RARB: variants seen among roughly 807,000 people sequenced by gnomAD.
The protein encoded by RARB is HBV-activated protein.
Under a neutral mutation model 51.9 loss-of-function variants are expected in RARB, and 17 were observed. That is an observed-to-expected ratio of 0.33 (90% CI 0.22 to 0.49). The LOEUF (loss-of-function observed/expected upper bound fraction) is 0.49, where lower values mean the gene tolerates loss of function less well. Ranked by LOEUF, RARB falls within the 20% of genes least tolerant of loss-of-function variation. The pLI is 0.99. For missense variants in RARB, 369 were observed against 550.8 expected (o/e 0.67, Z 3.30); for synonymous variants, 215 against 195.4 (o/e 1.10, Z -0.84).
chr3:25,192,170 C>T (rs180878557), intron 5 of RARB, among the ~76,000 whole-genome samples: 102 of 152,064 alleles, frequency 6.7e-4, no homozygotes, highest in African/African-American at 2.3e-3. Flanking sequence ...GAATGAGAAA[C>T]CTTGTTGGTA....
At chr3:25,534,271 A>T (rs1198244987) in intron 3 of RARB, among the ~76,000 whole-genome samples, 1 of 152,192 alleles carries the variant, frequency 6.6e-6, no homozygotes, top group Non-Finnish European at 1.5e-5. Flanking sequence ...CATAGTACCT[A>T]CCTTAACAGT....
At chr3:25,285,851 T>C (rs1393808254) in intron 5 of RARB, among the ~76,000 whole-genome samples, 4 of 152,192 alleles carry the variant, frequency 2.6e-5, no homozygotes, top group Non-Finnish European at 4.4e-5. Context: ...CTACTTGGCT[T>C]TCTCTTTCTC....
chr3:25,128,538 C>T (rs992958511), intron 3 of RARB, among the ~76,000 whole-genome samples: 2 of 150,156 alleles, frequency 1.3e-5, no homozygotes, highest in Admixed American at 6.7e-5. Context: ...CTTTTGGGGA[C>T]ATGGAATCCT....
intron 5 of RARB, among the ~76,000 whole-genome samples, chr3:25,203,731 C>A (rs998201347): frequency 6.6e-6 from 1 of 152,164 alleles, no homozygotes; most frequent in African/African-American, 2.4e-5. Flanking sequence ...ATTGAAAATT[C>A]TTTTCTTTAA....
chr3:25,418,093 A>G (rs1036313206), intron 5 of RARB, among the ~76,000 whole-genome samples: 6 of 152,198 alleles, frequency 3.9e-5, no homozygotes, highest in Non-Finnish European at 5.9e-5. Context: ...TGCACACAAC[A>G]CTTGTGATCA....
At chr3:24,930,561 C>G (rs79419997) in intron 2 of RARB, among the ~76,000 whole-genome samples, 5,839 of 152,136 alleles carry the variant, frequency 0.038, 222 homozygotes, top group East Asian at 0.17. Flanking sequence ...ATCCCCAATG[C>G]CTGGCACATA....
intron 2 of RARB, among the ~76,000 whole-genome samples, chr3:24,942,142 T>C (rs1347791524): frequency 6.6e-6 from 1 of 152,210 alleles, no homozygotes; most frequent in African/African-American, 2.4e-5. Context: ...ACCGCTATTA[T>C]GCGGTAAAAC....
chr3:25,592,933 A>C lies in RARB; in HGVS notation c.787-570A>C, dbSNP rs372127722. 3.9e-5 allele frequency among the ~76,000 whole-genome samples: 6 copies of C among 152,276 alleles called. No individual in the cohort carries two copies. The East Asian group carries it at 7.7e-4, about 20-fold the overall frequency. ...AGAGGCATCATGGGAGAGAGAGCCT[A>C]ACTTGGGTTTGAGTCAGATTCAGTT... is the stretch of plus-strand genomic sequence containing the variant. On this transcript the variant is annotated intron_variant, in intron 5 of 7. Coordinates refer to ENST00000330688, the MANE Select transcript of RARB (RefSeq NM_000965.5).
chr3:24,952,880 T>TTG (rs1553617043), intron 2 of RARB, among the ~76,000 whole-genome samples: 98 of 150,154 alleles, frequency 6.5e-4, no homozygotes, highest in Middle Eastern at 3.4e-3. Flanking sequence ...CTGGTATTTT[T>TTG]TTTGTTTGTT....
At chr3:25,319,398 T>C (rs938344334) in intron 5 of RARB, among the ~76,000 whole-genome samples, 1 of 152,236 alleles carries the variant, frequency 6.6e-6, no homozygotes, top group African/African-American at 2.4e-5. Flanking sequence ...AATGGCCATG[T>C]TGAGACAGGG....
chr3:25,581,841 C>A (rs1245952560), intron 5 of RARB, among the ~76,000 whole-genome samples: 1 of 152,200 alleles, frequency 6.6e-6, no homozygotes, highest in Non-Finnish European at 1.5e-5. Flanking sequence ...TCACCAAGAA[C>A]CCAGCCATGC....
At chr3:24,884,046 G>A (rs995629171) in intron 2 of RARB, among the ~76,000 whole-genome samples, 3 of 152,020 alleles carry the variant, frequency 2.0e-5, no homozygotes, top group Admixed American at 1.3e-4. Context: ...TGACACCAAC[G>A]ATTTTGTTGT....
chr3:25,267,074 T>C (rs1203159234), intron 5 of RARB, among the ~76,000 whole-genome samples: 11 of 152,180 alleles, frequency 7.2e-5, no homozygotes, highest in Admixed American at 6.6e-4. Context: ...TGAAGCTCTT[T>C]AGGCATAAAT....
intron 4 of RARB, among the ~76,000 whole-genome samples, chr3:25,578,473 A>G (rs1701032895): frequency 6.6e-6 from 1 of 152,190 alleles, no homozygotes; most frequent in Non-Finnish European, 1.5e-5. Context: ...GGTCGGGGCA[A>G]TGTCTTTTTT....
chr3:25,431,479 G>A (rs917534162), intron 1 of RARB, among the ~76,000 whole-genome samples: 5 of 152,128 alleles, frequency 3.3e-5, no homozygotes, highest in Non-Finnish European at 5.9e-5. Context: ...GACTACTAAG[G>A]GAATGTGGTC....
chr3:25,051,885 G>T (rs1221243313), intron 2 of RARB, among the ~76,000 whole-genome samples: 1 of 152,106 alleles, frequency 6.6e-6, no homozygotes, highest in Non-Finnish European at 1.5e-5. Context: ...GGTGAGAAAT[G>T]GATTCTGTGT....
intron 4 of RARB, among the ~76,000 whole-genome samples, chr3:25,152,200 C>T (rs539960963): frequency 6.6e-6 from 1 of 152,320 alleles, no homozygotes; most frequent in South Asian, 2.1e-4. Flanking sequence ...TAAATACTCT[C>T]TAGACATGTG....
At chr3:25,318,705 G>A (rs1239448824) in intron 5 of RARB, among the ~76,000 whole-genome samples, 1 of 152,152 alleles carries the variant, frequency 6.6e-6, no homozygotes, top group Non-Finnish European at 1.5e-5. Flanking sequence ...CTTCTTGAAA[G>A]AATGATTTTC....
At chr3:25,083,248 C>T (rs914025937) in intron 3 of RARB, among the ~76,000 whole-genome samples, 7 of 151,870 alleles carry the variant, frequency 4.6e-5, no homozygotes, top group African/African-American at 1.7e-4. Flanking sequence ...AATATTTCTT[C>T]TTACCAAATC....
Sources: allele counts gnomAD v4.1 joint callset (sites outside exome capture counted in the v4.1 genomes callset), GRCh38; gene constraint gnomAD v4.1.1; transcripts MANE v1.5; gene names NCBI Gene and HGNC (gene_info 2026-07-23, HGNC 2026-07-21).